BIRC6: variants seen among roughly 807,000 people sequenced by gnomAD.
BIRC6 encodes baculoviral IAP repeat containing 6, also known as dual E2 ubiquitin-conjugating enzyme/E3 ubiquitin-protein ligase BIRC6.
Under a neutral mutation model 503.3 loss-of-function variants are expected in BIRC6, and 98 were observed. That is an observed-to-expected ratio of 0.19 (90% CI 0.17 to 0.23). The LOEUF (loss-of-function observed/expected upper bound fraction) is 0.23, where lower values mean the gene tolerates loss of function less well. Among genes scored for constraint, BIRC6 ranks in the 10% least tolerant of loss-of-function variants. BIRC6 has a pLI of 1.00. For missense variants in BIRC6, 5,360 were observed against 5,806.0 expected (o/e 0.92, Z 2.50); for synonymous variants, 2,240 against 2,078.7 (o/e 1.08, Z -2.11).
intron 61 of BIRC6, among the ~76,000 whole-genome samples, chr2:32,538,533 A>C (rs1329462376): frequency 6.6e-6 from 1 of 152,248 alleles, no homozygotes; most frequent in Non-Finnish European, 1.5e-5. Context: ...AAAGCCTCTA[A>C]GTTCAGGGTG....
chr2:32,477,266 G>A, intron 34 of BIRC6, 102 bp from the exon 35 acceptor site: 3 of 1,245,374 alleles, frequency 2.4e-6, no homozygotes, highest in Non-Finnish European at 2.2e-6. Flanking sequence ...TTGCTCTTTA[G>A]AAGTTGTAAT....
chr2:32,464,746 C>T lies in BIRC6; in HGVS notation c.5179C>T (p.Leu1727Phe). The T allele has an allele frequency of 6.2e-7, 1 of 1,614,038 alleles. No individual in the cohort carries two copies. The highest frequency in any genetic ancestry group is 8.5e-7 in the Non-Finnish European group (1 of 1,179,894). The change falls in exon 25 of 74, where the codon CTT (leucine) becomes TTT (phenylalanine). Residue 1727 changes from leucine to phenylalanine, a missense_variant. Physicochemically the swap from Leu to Phe is conservative, Grantham distance 22. Transcript: ENST00000421745. ...SVVINAELAQ[L>F]FPGSVIDPPA... ...TGTGATTAATGCCGAACTTGCACAG[C>T]TTTTCCCAGGCTCAGTCATTGATCC...
Position 32,449,288 on chromosome 2 carries a change from T to C in BIRC6, c.4618+360T>C, listed in dbSNP as rs531567381. 21 of 161,226 alleles carry C rather than the reference T, an allele frequency of 1.3e-4. No homozygotes were observed. The South Asian group carries it at 3.6e-3, about 28-fold the overall frequency. The allele number at this position is 161,226 out of a possible 1,614,324, so 10.0% of individuals were successfully genotyped here. Reference sequence around the variant, plus strand: ...CTGCCTCTATAAAGTTAAAAAAGATTTCCTATTTCAAAAATACAAAATTAG... The same window carrying C: ...CTGCCTCTATAAAGTTAAAAAAGATCTCCTATTTCAAAAATACAAAATTAG... On this transcript the variant is annotated intron_variant, in intron 22 of 73. Coordinates refer to ENST00000421745, the MANE Select transcript of BIRC6 (RefSeq NM_016252.4).
At chr2:32,371,382 A>C (rs1216484652) in intron 1 of BIRC6, among the ~76,000 whole-genome samples, 1 of 150,164 alleles carries the variant, frequency 6.7e-6, no homozygotes, top group Non-Finnish European at 1.5e-5. Flanking sequence ...TATTAGTATT[A>C]TTTTTTTTTG....
At chr2:32,462,566 A>G (rs1414580493) in intron 23 of BIRC6, among the ~76,000 whole-genome samples, 3 of 152,194 alleles carry the variant, frequency 2.0e-5, no homozygotes, top group Admixed American at 2.0e-4. Context: ...CAATAAGAAA[A>G]CTTAGTAAAG....
chr2:32,391,618 C>A (rs964038924), intron 4 of BIRC6, among the ~76,000 whole-genome samples: 1 of 152,122 alleles, frequency 6.6e-6, no homozygotes. Flanking sequence ...CTTTTTCTTT[C>A]TGTTATCAGT....
rs952475936 is a variant in BIRC6, at chr2:32,507,976, A to G, written c.9701-4A>G. 1.2e-6 allele frequency: 2 copies of G among 1,609,224 alleles called. No homozygotes were observed. Among genetic ancestry groups the G allele is most frequent in the Admixed American group, 1.7e-5 (1 of 59,108 alleles). ...TGTGATGATTCAGTTTTCTCTTTTT[A>G]TAGCCTGCCCTTCCTCAGTGTCTGT... On this transcript the variant is annotated splice_polypyrimidine_tract_variant and splice_region_variant and intron_variant, in intron 50 of 73. Coordinates refer to ENST00000421745, the MANE Select transcript of BIRC6 (RefSeq NM_016252.4).
Position 32,578,496 on chromosome 2 carries a change from A to T in BIRC6, c.13355+3130A>T, listed in dbSNP as rs143367774. Among the ~76,000 whole-genome samples, 742 of 152,236 alleles carry T rather than the reference A, an allele frequency of 4.9e-3. 7 individuals are homozygous for T. The highest frequency in any genetic ancestry group is 7.8e-3 in the Non-Finnish European group (533 of 68,022). On this transcript the variant is annotated intron_variant, in intron 66 of 73. Coordinates refer to ENST00000421745, the MANE Select transcript of BIRC6 (RefSeq NM_016252.4). ...TTTGAGGGTTTGGAGCTGTAACTTTAAAAATGCTGTGTATCACGGCCGGGT... is the reference window on the plus strand; with the variant it reads ...TTTGAGGGTTTGGAGCTGTAACTTTTAAAATGCTGTGTATCACGGCCGGGT...
Position 32,506,559 on chromosome 2 carries a change from T to C in BIRC6, c.9700+1354T>C, listed in dbSNP as rs143599685. Among the ~76,000 whole-genome samples, 908 of 152,212 alleles carry C rather than the reference T, an allele frequency of 6.0e-3. 7 individuals are homozygous for C. The highest frequency in any genetic ancestry group is 0.021 in the African/African-American group (852 of 41,538). ...TGCTTTTATTTGGAAAGCAAAGGAG[T>C]TTGGTCATAAGTGGTGGCTTTTGAA... is the stretch of plus-strand genomic sequence containing the variant. On this transcript the variant is annotated intron_variant, in intron 50 of 73. Transcript: ENST00000421745.
intron 43 of BIRC6, 73 bp from the exon 44 acceptor site, chr2:32,491,351 AG>A: frequency 7.3e-7 from 1 of 1,376,952 alleles, no homozygotes; most frequent in Non-Finnish European, 9.7e-7. Context: ...TGGAACTAAA[AG>A]ATGCTTTCAG....
At chr2:32,410,295 C>T (rs754532378) in intron 9 of BIRC6, among the ~76,000 whole-genome samples, 1 of 151,844 alleles carries the variant, frequency 6.6e-6, no homozygotes, top group African/African-American at 2.4e-5. Context: ...AGTGAGACTC[C>T]GTCTAAAACA....
chr2:32,550,551 C>T (rs1013773262), intron 65 of BIRC6, among the ~76,000 whole-genome samples: 1 of 151,958 alleles, frequency 6.6e-6, no homozygotes, highest in Admixed American at 6.6e-5. Context: ...TGAGACTATA[C>T]ATTTTAATTT....
At chr2:32,512,074 A>C (rs1036907425) in intron 53 of BIRC6, among the ~76,000 whole-genome samples, 6 of 152,202 alleles carry the variant, frequency 3.9e-5, no homozygotes, top group African/African-American at 1.4e-4. Flanking sequence ...ACTTTTTAAA[A>C]CATGAATGTT....
intron 15 of BIRC6, 104 bp downstream of exon 15, chr2:32,436,288 T>G (rs2044689565): frequency 9.2e-7 from 1 of 1,086,254 alleles, no homozygotes; most frequent in African/African-American, 1.6e-5. Flanking sequence ...TCTTTGGGAC[T>G]TTCGTTCGAA....
intron 10 of BIRC6, among the ~76,000 whole-genome samples, chr2:32,426,192 T>C (rs1436839373): frequency 6.6e-6 from 1 of 152,236 alleles, no homozygotes; most frequent in African/African-American, 2.4e-5. Flanking sequence ...AGTTATATTT[T>C]GGTGGTTTAA....
chr2:32,536,253 T>G (rs867212982), intron 61 of BIRC6, among the ~76,000 whole-genome samples: 14 of 152,298 alleles, frequency 9.2e-5, no homozygotes, highest in Middle Eastern at 3.4e-3. Flanking sequence ...CTATTCTGTA[T>G]GTTGCCTGTT....
intron 23 of BIRC6, among the ~76,000 whole-genome samples, chr2:32,459,874 A>G (rs2047643402): frequency 6.6e-6 from 1 of 151,574 alleles, no homozygotes; most frequent in African/African-American, 2.4e-5. Flanking sequence ...GTATTTGTGT[A>G]TAAAACTATA....
intron 2 of BIRC6, among the ~76,000 whole-genome samples, chr2:32,377,991 G>T (rs1227352481): frequency 3.3e-5 from 5 of 152,110 alleles, no homozygotes; most frequent in Non-Finnish European, 5.9e-5. Context: ...TGGTGCATCA[G>T]CACAGGTTAA....
chr2:32,442,959 TA>T (rs1261090115), intron 19 of BIRC6, among the ~76,000 whole-genome samples: 1 of 152,182 alleles, frequency 6.6e-6, no homozygotes, highest in Non-Finnish European at 1.5e-5. Context: ...GAGCCATATA[TA>T]TAGTATTGTT....
Sources: gnomAD v4.1 joint callset for allele counts (sites outside exome capture counted in the v4.1 genomes callset) on GRCh38, gnomAD v4.1.1 for gene constraint, MANE v1.5 for transcripts, NCBI Gene and HGNC (gene_info 2026-07-23, HGNC 2026-07-21) for gene names.